Variants in IGFN1 observed in about 807,000 individuals in gnomAD.
IGFN1 encodes immunoglobulin like and fibronectin type III domain containing 1.
IGFN1 carries 253 observed loss-of-function variants against 289.5 expected under a neutral mutation model. The observed-to-expected ratio is 0.87, with a 90% confidence interval of 0.79 to 0.97. The LOEUF (loss-of-function observed/expected upper bound fraction) is 0.97. IGFN1 is among the 50% of genes least tolerant of loss of function. The probability of loss-of-function intolerance (pLI) is 0.00; values close to 1 mark genes in which losing one functional copy is unlikely to be tolerated. For missense variants in IGFN1, 4,470 were observed against 4,686.1 expected, an observed-to-expected ratio of 0.95 and a Z score of 1.35; for synonymous variants, 1,706 against 1,788.5, an observed-to-expected ratio of 0.95 and a Z score of 1.16.
chr1:201,192,186 G>C (rs534685372), intron 1 of IGFN1, among the ~76,000 whole-genome samples: 2 of 152,376 alleles, frequency 1.3e-5, no homozygotes, highest in Admixed American at 1.3e-4. Flanking sequence ...CTGGCGAGGG[G>C]CTGCCAGGGG....
At chr1:201,193,172 A>T in intron 1 of IGFN1, 75 bp from the exon 2 acceptor site, 1 of 722,076 alleles carries the variant, frequency 1.4e-6, no homozygotes, top group Non-Finnish European at 2.5e-6. Flanking sequence ...ACATTGGCTG[A>T]TGCACTGATG....
rs145011559 is a variant in IGFN1, at chr1:201,220,538, C to CT, written c.9899-905dup. ...AGACAATAGATAGGATAAGCAGTGT[C>CT]TAACAGTAGCCACAGCAATCACTAC... On this transcript the variant is annotated intron_variant, in intron 18 of 23. Transcript: ENST00000335211. Among the ~76,000 whole-genome samples, 586 of 152,344 alleles carry CT rather than the reference C, an allele frequency of 3.8e-3. 7 individuals carry two copies. The highest frequency in any genetic ancestry group is 0.013 in the African/African-American group (557 of 41,572).
At position 201,225,847 on chromosome 1, in the gene IGFN1, A is replaced by T; in HGVS notation, c.10510A>T (p.Ile3504Phe). The change falls in exon 22 of 24, where the codon ATC becomes TTC. Residue 3504 changes from isoleucine to phenylalanine, a missense_variant. Physicochemically the swap from Ile to Phe is conservative, Grantham distance 21 (BLOSUM62 0). This residue lies in a region of IGFN1 where 2,218 missense variants were observed against 2,114.1 expected (regional missense o/e 1.05). Transcript: ENST00000335211. ...AGCATGCCCGCAGGCCCCTGGGCCC[A>T]TCCACCTGCAGGAGAACGTGCCTGG... ...VAACPQAPGP[I>F]HLQENVPGTV... 1 of 1,612,744 alleles carries T rather than the reference A, an allele frequency of 6.2e-7. No homozygotes were observed. The highest frequency in any genetic ancestry group is 1.1e-5 in the South Asian group (1 of 90,950).
intron 5 of IGFN1, among the ~76,000 whole-genome samples, chr1:201,197,867 A>C (rs1314108853): frequency 6.6e-6 from 1 of 152,224 alleles, no homozygotes; most frequent in Non-Finnish European, 1.5e-5. Context: ...CCTGCAACTA[A>C]CAGAAAATCC....
At position 201,221,458 on chromosome 1, in the gene IGFN1, G is replaced by C. The variant is rs565007693; in HGVS notation, c.9913G>C (p.Val3305Leu). The C allele has an allele frequency of 1.3e-6, 2 of 1,592,418 alleles. No individual in the cohort carries two copies. Among genetic ancestry groups the C allele is most frequent in the Non-Finnish European group, 1.7e-6 (2 of 1,168,018 alleles). The change falls in exon 19 of 24, where the codon GTG becomes CTG. Residue 3305 changes from valine (V) to leucine (L), a missense_variant. This residue lies in a region of IGFN1 where 2,218 missense variants were observed against 2,114.1 expected (regional missense o/e 1.05). Transcript: ENST00000335211. ...ARDPMRPPGL[V>L]RNLQVTDRSN... ...GTGCCTGGCAGGACCCCCTGGGCTG[G>C]TGAGGAATCTCCAAGTCACAGACAG...
chr1:201,213,039 G>A lies in IGFN1; in HGVS notation c.8146G>A (p.Gly2716Arg). 2.6e-6 allele frequency: 4 copies of A among 1,551,618 alleles called. No homozygotes were observed. Among genetic ancestry groups the A allele is most frequent in the Non-Finnish European group, 3.5e-6 (4 of 1,146,950 alleles). ...AGAGGACTCAGGTATCCTGGGCAAG[G>A]GGAATTCTACTGAGTGGGGGAATGC... Reference protein sequence around the residue: ...DAEDSGILGKGNSTEWGNALT... With the variant: ...DAEDSGILGKRNSTEWGNALT... The change falls in exon 12 of 24, where the codon GGG becomes AGG. Residue 2716 changes from glycine to arginine, a missense_variant. Gly to Arg is a moderately radical substitution (Grantham distance 125, BLOSUM62 -2). This residue lies in a region of IGFN1 where 2,218 missense variants were observed against 2,114.1 expected (regional missense o/e 1.05). Coordinates refer to ENST00000335211, the MANE Select transcript of IGFN1 (RefSeq NM_001164586.2).
chr1:201,213,055 G>T lies in IGFN1; in HGVS notation c.8162G>T (p.Trp2721Leu). Residue 2721 changes from tryptophan to leucine, a missense_variant, in exon 12 of 24, where the codon TGG (tryptophan) becomes TTG (leucine). Physicochemically the swap from Trp to Leu is moderately conservative, Grantham distance 61 (BLOSUM62 -2). Coordinates refer to ENST00000335211, the MANE Select transcript of IGFN1 (RefSeq NM_001164586.2). ...GILGKGNSTE[W>L]GNALTPKPGE... Reference sequence around the variant, plus strand: ...CTGGGCAAGGGGAATTCTACTGAGTGGGGGAATGCCCTCACCCCAAAACCT... The same window carrying T: ...CTGGGCAAGGGGAATTCTACTGAGTTGGGGAATGCCCTCACCCCAAAACCT... The T allele has an allele frequency of 6.4e-7, 1 of 1,551,622 alleles. No homozygotes were observed. The highest frequency in any genetic ancestry group is 2.0e-5 in the Admixed American group (1 of 51,002).
At chr1:201,219,534 A>G (rs1653570762) in intron 18 of IGFN1, among the ~76,000 whole-genome samples, 1 of 152,236 alleles carries the variant, frequency 6.6e-6, no homozygotes, top group Admixed American at 6.5e-5. Flanking sequence ...GCTTTTTCAC[A>G]AAATACCTAT....
Position 201,215,631 on chromosome 1 carries a change from C to G in IGFN1, c.9088C>G (p.Gln3030Glu). The G allele has an allele frequency of 6.2e-7, 1 of 1,613,982 alleles. No individual in the cohort carries two copies. The highest frequency in any genetic ancestry group is 8.5e-7 in the Non-Finnish European group (1 of 1,179,962). Residue 3030 changes from glutamine to glutamate, a missense_variant, in exon 15 of 24, where the codon CAG becomes GAG. Physicochemically the swap from Gln to Glu is conservative, Grantham distance 29 (BLOSUM62 2). Transcript: ENST00000335211. The part of the protein sequence containing the change: ...GKPVIVKIPF[Q>E]SHLPIQAAWR... ...GCCGGTGATAGTGAAGATCCCCTTC[C>G]AGAGCCACCTCCCCATTCAGGCTGC...
Position 201,205,320 on chromosome 1 carries a change from G to T in IGFN1, c.1155G>T (p.Gly385=). ...SDMGPYSLGT[G]LYTSSAWLVV... ...TGGGCCCCTATTCGCTGGGCACCGGGCTCTACACTTCCAGCGCCTGGCTGG... is the reference window on the plus strand; with the variant it reads ...TGGGCCCCTATTCGCTGGGCACCGGTCTCTACACTTCCAGCGCCTGGCTGG... Residue 385 remains glycine (G), a synonymous_variant, in exon 11 of 24, where the codon GGG becomes GGT. Transcript: ENST00000335211. 1 of 1,547,382 alleles carries T rather than the reference G, an allele frequency of 6.5e-7. No homozygotes were observed. Among genetic ancestry groups the T allele is most frequent in the Non-Finnish European group, 8.7e-7 (1 of 1,144,244 alleles).
intron 19 of IGFN1, chr1:201,222,466 T>C: frequency 2.8e-6 from 1 of 362,962 alleles, no homozygotes; most frequent in Non-Finnish European, 5.0e-6. Flanking sequence ...TGCATCTTCC[T>C]CTGTTCCAGC....
At chr1:201,204,802 G>A (rs955391903) in intron 10 of IGFN1, among the ~76,000 whole-genome samples, 1 of 152,222 alleles carries the variant, frequency 6.6e-6, no homozygotes, top group Non-Finnish European at 1.5e-5. Context: ...TAGCATAGTG[G>A]TTTCCTTCAT....
In IGFN1 at chr1:201,215,139, A is replaced by G. The variant is rs1653136472; in HGVS notation, c.8980A>G (p.Thr2994Ala). ...FVAGDQQSEA[T>A]LTVQDSPTIA... ...AGCTGGTGACCAGCAGAGCGAGGCC[A>G]CCCTGACCGTCCAGGGTAAGGCCCA... Residue 2994 changes from threonine to alanine, a missense_variant, in exon 14 of 24, where the codon ACC becomes GCC. By Grantham distance (58) the Thr-to-Ala change is moderately conservative. This residue lies in a region of IGFN1 where 2,218 missense variants were observed against 2,114.1 expected (regional missense o/e 1.05). Transcript: ENST00000335211. The G allele has an allele frequency of 1.2e-6, 2 of 1,612,906 alleles. No homozygotes were observed. Among genetic ancestry groups the G allele is most frequent in the Admixed American group, 1.7e-5 (1 of 59,972 alleles).
At position 201,221,573 on chromosome 1, in the gene IGFN1, C is replaced by G; in HGVS notation, c.10028C>G (p.Ser3343Ter). ...AQGYVVELCSSDSLQWLPCHV... is the reference protein window; with the variant it reads ...AQGYVVELCS ...GGGTATGTGGTGGAGCTGTGCAGCT[C>G]AGACAGTCTCCAGTGGCTCCCGTGC... Residue 3343 changes from serine to a stop codon, truncating the protein, a stop_gained, in exon 19 of 24, where the codon TCA (serine) becomes TGA (stop). Coordinates refer to ENST00000335211, the MANE Select transcript of IGFN1 (RefSeq NM_001164586.2). LOFTEE classifies it high-confidence loss of function. 1 of 1,614,192 alleles carries G rather than the reference C, an allele frequency of 6.2e-7. No homozygotes were observed. The highest frequency in any genetic ancestry group is 8.5e-7 in the Non-Finnish European group (1 of 1,180,012).
rs1667536153 is a variant in IGFN1 at position 201,208,322 on chromosome 1, T to G, written c.3429T>G (p.Asp1143Glu). Reference sequence around the variant, plus strand: ...CCTTTGGAGAAGGAGGCTATGAAGATGGCTCTGGGGGTCCAGGAGCCATGG... The same window carrying G: ...CCTTTGGAGAAGGAGGCTATGAAGAGGGCTCTGGGGGTCCAGGAGCCATGG... ...LGAFGEGGYE[D>E]GSGGPGAMGP... The change falls in exon 12 of 24, where the codon GAT (aspartate) becomes GAG (glutamate). Residue 1143 changes from aspartate to glutamate, a missense_variant. Around this residue, in one of 8 missense-constraint regions of IGFN1, gnomAD observed 2,011 missense variants for 1,953.4 expected, o/e 1.03. Coordinates refer to ENST00000335211, the MANE Select transcript of IGFN1 (RefSeq NM_001164586.2). 1.1e-5 allele frequency: 16 copies of G among 1,510,862 alleles called. No homozygotes were observed. In the African/African-American group the frequency reaches 1.3e-4, roughly 12 times the overall value. 93.6% of individuals were successfully genotyped at this position (1,510,862 alleles called of 1,614,324 possible).
rs1051860161 is a variant in IGFN1, at chr1:201,209,406, G to C, written c.4513G>C (p.Gly1505Arg). 2.6e-6 allele frequency: 4 copies of C among 1,524,290 alleles called. No homozygotes were observed. The highest frequency in any genetic ancestry group is 3.5e-6 in the Non-Finnish European group (4 of 1,141,072). 94.4% of individuals were successfully genotyped at this position (1,524,290 alleles called of 1,614,324 possible). A position where few individuals can be genotyped will look rare whatever the true frequency, so the allele number is the denominator to read the frequency against. ...GAAAGATTTGGGGGTTTCTGAGGGA[G>C]GGGGTTCAGGGAGCAAAGCAGGTTA... ...YRKDLGVSEG[G>R]GSGSKAGYRG... The change falls in exon 12 of 24, where the codon GGG becomes CGG. Residue 1505 changes from glycine to arginine, a missense_variant. Gly to Arg is a moderately radical substitution (Grantham distance 125). Transcript: ENST00000335211.
rs999243378 is a variant in IGFN1, at chr1:201,211,981, G to T, written c.7088G>T (p.Gly2363Val). ...EGKMGYGDGSGRLGVPGSLAG... is the reference protein window; with the variant it reads ...EGKMGYGDGSVRLGVPGSLAG... The stretch of plus-strand genomic sequence containing the variant: ...AAGATGGGTTATGGAGATGGTTCAG[G>T]GAGGCTTGGAGTACCAGGCTCACTG... Residue 2363 changes from glycine (G) to valine (V), a missense_variant, in exon 12 of 24, where the codon GGG (glycine) becomes GTG (valine). Physicochemically the swap from Gly to Val is moderately radical, Grantham distance 109 (BLOSUM62 -3). Coordinates refer to ENST00000335211, the MANE Select transcript of IGFN1 (RefSeq NM_001164586.2). 39 of 1,535,322 alleles carry T rather than the reference G, an allele frequency of 2.5e-5. No individual in the cohort carries two copies. Among genetic ancestry groups the T allele is most frequent in the Non-Finnish European group, 3.1e-5 (36 of 1,146,196 alleles).
intron 11 of IGFN1, among the ~76,000 whole-genome samples, chr1:201,205,626 G>A (rs1667380061): frequency 6.6e-6 from 1 of 152,156 alleles, no homozygotes; most frequent in African/African-American, 2.4e-5. Context: ...GGTTCAGTCT[G>A]GATGAGAAGC....
chr1:201,219,670 G>A (rs904677128), intron 18 of IGFN1, among the ~76,000 whole-genome samples: 2 of 152,254 alleles, frequency 1.3e-5, no homozygotes, highest in Non-Finnish European at 2.9e-5. Flanking sequence ...GGATGGGCCA[G>A]GTGGTCAACA....
Sources: gnomAD v4.1 joint callset for allele counts (sites outside exome capture counted in the v4.1 genomes callset) on GRCh38, gnomAD v4.1.1 for gene constraint, gnomAD v4.1.1 regional missense constraint, MANE v1.5 for transcripts, NCBI Gene and HGNC (gene_info 2026-07-23, HGNC 2026-07-21) for gene names.